The following GRM3 variants were observed in gnomAD, a reference collection of about 807,000 sequenced individuals.
GRM3 encodes the protein metabotropic glutamate receptor 3.
A neutral mutation model predicts 70.5 loss-of-function variants in GRM3; 26 were observed. That is an observed-to-expected ratio of 0.37 (90% confidence interval 0.27 to 0.51). GRM3 has a LOEUF of 0.51. Ranked by LOEUF, GRM3 falls within the 20% of genes least tolerant of loss-of-function variation. The pLI, the probability that GRM3 is intolerant of heterozygous loss-of-function variation, is 0.93. For missense variants in GRM3, 859 were observed against 1,123.8 expected, an observed-to-expected ratio of 0.76 and a Z score of 3.37; for synonymous variants, 443 against 434.9, an observed-to-expected ratio of 1.02 and a Z score of -0.23.
chr7:86,844,179 A>T (rs1361882275), intron 4 of GRM3, among the ~76,000 whole-genome samples: 1 of 152,174 alleles, frequency 6.6e-6, no homozygotes, highest in Non-Finnish European at 1.5e-5. Context: ...CATGTTGACT[A>T]TTTTGAAGAT....
At chr7:86,688,401 T>A (rs1400804063) in intron 1 of GRM3, among the ~76,000 whole-genome samples, 4 of 151,658 alleles carry the variant, frequency 2.6e-5, no homozygotes, top group Non-Finnish European at 5.9e-5. Context: ...TATAAAGATG[T>A]ACATTTCAAA....
At chr7:86,653,722 A>C (rs1793663227) in intron 1 of GRM3, among the ~76,000 whole-genome samples, 1 of 151,838 alleles carries the variant, frequency 6.6e-6, no homozygotes, top group African/African-American at 2.4e-5. Context: ...AAGAGAAGTT[A>C]CTGGTATTTG....
chr7:86,727,815 CA>C lies in GRM3; in HGVS notation c.-140-37190del, dbSNP rs570134749. On this transcript the variant is annotated intron_variant, in intron 1 of 5. Coordinates refer to ENST00000361669, the MANE Select transcript of GRM3 (RefSeq NM_000840.3). ...GGCTTTTGTACCAAATCTGGCCCGC[CA>C]CCTGCTTTTACACAAACTTGTAATG... Among the ~76,000 whole-genome samples, 108 of 152,238 alleles carry C rather than the reference CA, an allele frequency of 7.1e-4. 1 individual carries two copies. The highest frequency in any genetic ancestry group is 2.2e-3 in the African/African-American group (90 of 41,542).
In GRM3 at chr7:86,671,094, G is replaced by A. The variant is rs372234703; in HGVS notation, c.-141+26222G>A. 1.1e-4 allele frequency among the ~76,000 whole-genome samples: 16 copies of A among 152,214 alleles called. No homozygotes were observed. In the East Asian group the frequency reaches 1.4e-3, roughly 13 times the overall value. On this transcript the variant is annotated intron_variant, in intron 1 of 5. Transcript: ENST00000361669. ...CTCCCAGGCTGGAGTGCAACGGCAC[G>A]ATCTCCGCTCACTGCAACCTCTGCC...
intron 2 of GRM3, among the ~76,000 whole-genome samples, chr7:86,778,344 C>G (rs1420459558): frequency 6.6e-6 from 1 of 152,040 alleles, no homozygotes; most frequent in Non-Finnish European, 1.5e-5. Flanking sequence ...AAGCCAATAA[C>G]TGTAAAACTT....
intron 1 of GRM3, among the ~76,000 whole-genome samples, chr7:86,760,753 G>C (rs921893948): frequency 2.0e-5 from 3 of 151,782 alleles, no homozygotes; most frequent in Non-Finnish European, 4.4e-5. Flanking sequence ...CTGCTATAAA[G>C]AAAAAGTAAA....
At position 86,839,681 on chromosome 7, in the gene GRM3, C is replaced by T. The variant is rs560446375; in HGVS notation, c.2167C>T (p.Arg723Trp). 24 of 1,613,756 alleles carry T rather than the reference C, an allele frequency of 1.5e-5. No homozygotes were observed. The highest frequency in any genetic ancestry group is 3.3e-5 in the South Asian group (3 of 91,054). Reference protein sequence around the residue: ...GTRRYTLAEKRETVILKCNVK... With the variant: ...GTRRYTLAEKWETVILKCNVK... ...CAGGAGGTATACCCTTGCAGAGAAG[C>T]GGGAAACAGTCATCCTAAAATGCAA... The change falls in exon 4 of 6, where the codon CGG becomes TGG. Residue 723 changes from arginine (R) to tryptophan (W), a missense_variant. By Grantham distance (101) the Arg-to-Trp change is moderately radical (BLOSUM62 -3). Transcript: ENST00000361669. The surrounding 1 kb of genome is among the most constrained non-coding windows in gnomAD (Gnocchi z 4.5).
chr7:86,859,306 A>G (rs750610037), intron 5 of GRM3, among the ~76,000 whole-genome samples: 11 of 152,092 alleles, frequency 7.2e-5, no homozygotes, highest in Non-Finnish European at 1.5e-4. Context: ...TCCCCTGTGA[A>G]ATCTCTGACA....
At chr7:86,650,021 A>G (rs930875008) in intron 1 of GRM3, among the ~76,000 whole-genome samples, 14 of 152,206 alleles carry the variant, frequency 9.2e-5, no homozygotes, top group African/African-American at 3.1e-4. Flanking sequence ...ATTCATATTT[A>G]GGATTTTAAA....
intron 1 of GRM3, among the ~76,000 whole-genome samples, chr7:86,664,190 G>A (rs1245965214): frequency 6.6e-6 from 1 of 151,832 alleles, no homozygotes; most frequent in Non-Finnish European, 1.5e-5. Context: ...GAGAATGATG[G>A]GGGTTGAGGG....
At chr7:86,711,599 G>T (rs576170380) in intron 1 of GRM3, among the ~76,000 whole-genome samples, 1 of 152,130 alleles carries the variant, frequency 6.6e-6, no homozygotes, top group African/African-American at 2.4e-5. Flanking sequence ...GTCTCTATTG[G>T]TCTTCATCTG....
At chr7:86,863,807 C>A (rs1293029321) in intron 5 of GRM3, among the ~76,000 whole-genome samples, 1 of 152,100 alleles carries the variant, frequency 6.6e-6, no homozygotes, top group Non-Finnish European at 1.5e-5. Context: ...TTATAGATTA[C>A]CAAAGCTAAT....
At chr7:86,708,447 G>A (rs977055903) in intron 1 of GRM3, among the ~76,000 whole-genome samples, 1 of 152,168 alleles carries the variant, frequency 6.6e-6, no homozygotes, top group African/African-American at 2.4e-5. Flanking sequence ...CTTCACAGAA[G>A]AATCTAAATG....
intron 2 of GRM3, among the ~76,000 whole-genome samples, chr7:86,782,390 C>T (rs1797094684): frequency 6.7e-6 from 1 of 150,356 alleles, no homozygotes. Flanking sequence ...ATTATTTGTA[C>T]TGCCATTTCC....
chr7:86,728,885 G>A (rs1795655204), intron 1 of GRM3, among the ~76,000 whole-genome samples: 2 of 152,138 alleles, frequency 1.3e-5, no homozygotes, highest in African/African-American at 4.8e-5. Context: ...GTGATACACA[G>A]GGTCCAGAGA....
At chr7:86,837,125 TGGG>T (rs1230982144) in intron 3 of GRM3, among the ~76,000 whole-genome samples, 1 of 152,200 alleles carries the variant, frequency 6.6e-6, no homozygotes, top group Non-Finnish European at 1.5e-5. Context: ...AATAATAAAT[TGGG>T]CATATAATAT....
chr7:86,738,076 G>GA (rs1795904698), intron 1 of GRM3, among the ~76,000 whole-genome samples: 1 of 152,178 alleles, frequency 6.6e-6, no homozygotes, highest in Non-Finnish European at 1.5e-5. Context: ...GGCCCTGGTT[G>GA]AATGACAAGG....
At chr7:86,681,447 A>C (rs1794438870) in intron 1 of GRM3, among the ~76,000 whole-genome samples, 1 of 152,200 alleles carries the variant, frequency 6.6e-6, no homozygotes, top group African/African-American at 2.4e-5. Context: ...ATGAAATTAA[A>C]TAGAAAGAAT....
chr7:86,806,046 G>A (rs1454602712), intron 3 of GRM3, among the ~76,000 whole-genome samples: 6 of 152,094 alleles, frequency 3.9e-5, no homozygotes, highest in African/African-American at 1.4e-4. Context: ...ATGGTTTCCA[G>A]CTTCATCCAT....
Sources: allele counts gnomAD v4.1 joint callset (sites outside exome capture counted in the v4.1 genomes callset), GRCh38; gene constraint gnomAD v4.1.1; non-coding constraint Gnocchi (gnomAD v3.1); transcripts MANE v1.5; gene names NCBI Gene and HGNC (gene_info 2026-07-23, HGNC 2026-07-21).